EEIG1: variants seen among roughly 807,000 people sequenced by gnomAD.
EEIG1 encodes the protein early estrogen-induced gene 1 protein.
At chr9:127,947,789 C>G in the EEIG1 span, among the ~76,000 whole-genome samples, 2 of 152,188 alleles carry the variant, frequency 1.3e-5, no homozygotes, top group Non-Finnish European at 2.9e-5. Flanking sequence ...ATGCATTTAT[C>G]TATGGCTTGA....
At chr9:127,961,241 G>C in the EEIG1 span, among the ~76,000 whole-genome samples, 1 of 152,036 alleles carries the variant, frequency 6.6e-6, no homozygotes, top group Non-Finnish European at 1.5e-5. Flanking sequence ...CCTCAGCCCC[G>C]GGGCCCCTCT....
the EEIG1 span, among the ~76,000 whole-genome samples, chr9:127,977,199 C>T: frequency 6.6e-6 from 1 of 152,250 alleles, no homozygotes; most frequent in Non-Finnish European, 1.5e-5. Context: ...AGCTCAGTGT[C>T]AGTTCCTCCC....
the EEIG1 span, among the ~76,000 whole-genome samples, chr9:127,977,426 C>T: frequency 6.6e-6 from 1 of 152,236 alleles, no homozygotes; most frequent in African/African-American, 2.4e-5. Context: ...GACAGTGGCT[C>T]CAGGGCCTGG....
the EEIG1 span, among the ~76,000 whole-genome samples, chr9:127,971,804 G>T: frequency 6.6e-6 from 1 of 152,234 alleles, no homozygotes; most frequent in Admixed American, 6.5e-5. Flanking sequence ...AAGGCCAAAA[G>T]AGGCCAGGGA....
chr9:127,954,111 C>T, the EEIG1 span, among the ~76,000 whole-genome samples: 1 of 152,206 alleles, frequency 6.6e-6, no homozygotes, highest in Non-Finnish European at 1.5e-5. Flanking sequence ...GTAAAAACAA[C>T]AGTGAAAACG....
At chr9:127,956,127 G>C in the EEIG1 span, among the ~76,000 whole-genome samples, 1 of 152,200 alleles carries the variant, frequency 6.6e-6, no homozygotes, top group African/African-American at 2.4e-5. Flanking sequence ...CCACAGGAGT[G>C]GGGGCCCTAG....
At chr9:127,955,599 C>G in the EEIG1 span, among the ~76,000 whole-genome samples, 2 of 152,200 alleles carry the variant, frequency 1.3e-5, no homozygotes, top group African/African-American at 4.8e-5. Flanking sequence ...CTCATTGTCA[C>G]CAGGAGAGGG....
chr9:127,970,110 C>T, the EEIG1 span, among the ~76,000 whole-genome samples: 2 of 152,100 alleles, frequency 1.3e-5, no homozygotes, highest in Admixed American at 1.3e-4. Flanking sequence ...GTATAAATGG[C>T]ATCATACACT....
the EEIG1 span, among the ~76,000 whole-genome samples, chr9:127,949,293 G>A: frequency 2.6e-5 from 3 of 117,056 alleles, no homozygotes; most frequent in East Asian, 2.5e-4. Context: ...CAGCCTGGGT[G>A]ACAGCGAGAC....
At chr9:127,961,140 C>G in the EEIG1 span, among the ~76,000 whole-genome samples, 8,496 of 152,276 alleles carry the variant, frequency 0.056, 286 homozygotes, top group East Asian at 0.08. Context: ...CACAGCAGAG[C>G]TAGTCTCGAC....
At chr9:127,979,746 C>T in the EEIG1 span, among the ~76,000 whole-genome samples, 1 of 152,252 alleles carries the variant, frequency 6.6e-6, no homozygotes, top group Non-Finnish European at 1.5e-5. Flanking sequence ...AATGGACCTA[C>T]TGCAGGCGGC....
chr9:127,950,652 G>A, the EEIG1 span: 1 of 1,503,252 alleles, frequency 6.7e-7, no homozygotes, highest in Non-Finnish European at 8.9e-7. Flanking sequence ...TAAAGCCCCT[G>A]GGCCAGCCCC....
At chr9:127,970,458 C>T in the EEIG1 span, among the ~76,000 whole-genome samples, 1 of 151,860 alleles carries the variant, frequency 6.6e-6, no homozygotes, top group Non-Finnish European at 1.5e-5. Flanking sequence ...CTTTGCTCAA[C>T]GTTGTTTGTC....
chr9:127,952,370 C>T, the EEIG1 span, among the ~76,000 whole-genome samples: 1 of 152,246 alleles, frequency 6.6e-6, no homozygotes, highest in Non-Finnish European at 1.5e-5. Flanking sequence ...TGATGAAGCC[C>T]ACCCTCCTGC....
chr9:127,945,225 G>T, the EEIG1 span: 1 of 732,178 alleles, frequency 1.4e-6, no homozygotes, highest in African/African-American at 1.8e-5. The surrounding 1 kb of genome is among the most constrained non-coding windows in gnomAD (Gnocchi z 6.5). Flanking sequence ...ACCCTTCAGG[G>T]CCATCAGCTA....
the EEIG1 span, chr9:127,945,225 G>A: frequency 1.4e-6 from 1 of 732,178 alleles, no homozygotes; most frequent in Non-Finnish European, 2.2e-6. This position sits in a 1 kb window ranked among gnomAD's most constrained non-coding sequence, Gnocchi z 6.5. Context: ...ACCCTTCAGG[G>A]CCATCAGCTA....
the EEIG1 span, among the ~76,000 whole-genome samples, chr9:127,952,458 G>T: frequency 6.6e-6 from 1 of 152,244 alleles, no homozygotes; most frequent in African/African-American, 2.4e-5. Flanking sequence ...GGCAGAGCAG[G>T]CTTATTCAAA....
At chr9:127,950,557 C>A in the EEIG1 span, 1 of 1,612,182 alleles carries the variant, frequency 6.2e-7, no homozygotes, top group Non-Finnish European at 8.5e-7. Flanking sequence ...GTGAGAGGAG[C>A]GTGTGGGAGG....
the EEIG1 span, chr9:127,979,967 C>T: frequency 1.2e-6 from 2 of 1,600,564 alleles, no homozygotes; most frequent in Non-Finnish European, 1.7e-6. Flanking sequence ...CCCGCTGCTG[C>T]AGGCGCGACC....
Sources: allele counts gnomAD v4.1 joint callset (sites outside exome capture counted in the v4.1 genomes callset), GRCh38; gene constraint gnomAD v4.1.1; non-coding constraint Gnocchi (gnomAD v3.1); transcripts MANE v1.5; gene names NCBI Gene and HGNC (gene_info 2026-07-23, HGNC 2026-07-21).